Variants in MACROD2 observed in about 807,000 individuals in gnomAD.
MACROD2 encodes mono-ADP ribosylhydrolase 2.
In MACROD2, 36 loss-of-function variants were observed where a neutral mutation model predicts 70.4. The observed-to-expected ratio is 0.51, with a 90% confidence interval of 0.39 to 0.68. The LOEUF is 0.68. Ranked by LOEUF, MACROD2 falls within the 30% of genes least tolerant of loss-of-function variation. The pLI is 0.00. For synonymous variants in MACROD2, 172 were observed against 178.8 expected (o/e 0.96, Z 0.30); for missense variants, 496 against 538.4 (o/e 0.92, Z 0.78).
In MACROD2 at chr20:14,228,496, C is replaced by A. The variant is rs190741529; in HGVS notation, c.271+142768C>A. Among the ~76,000 whole-genome samples, 151 of 151,784 alleles carry A rather than the reference C, an allele frequency of 9.9e-4. 3 individuals carry two copies. The highest frequency in any genetic ancestry group is 9.8e-3 in the Admixed American group (150 of 15,248). On this transcript the variant is annotated intron_variant, in intron 3 of 17. Transcript: ENST00000684519. ...GGGACTACGGGCATGTGCCACCATG[C>A]CCAGCTAATTTTTGTATTTTAGTAT...
chr20:14,117,356 A>G (rs2054529728), intron 3 of MACROD2, among the ~76,000 whole-genome samples: 1 of 152,096 alleles, frequency 6.6e-6, no homozygotes, highest in African/African-American at 2.4e-5. Flanking sequence ...GGATTACACA[A>G]CTCTGTGTCC....
chr20:14,125,604 G>A (rs988262135), intron 3 of MACROD2, among the ~76,000 whole-genome samples: 4 of 151,988 alleles, frequency 2.6e-5, no homozygotes, highest in African/African-American at 7.2e-5. Context: ...TGTAATATAT[G>A]TACACATACT....
intron 5 of MACROD2, among the ~76,000 whole-genome samples, chr20:15,155,293 C>T (rs1206641270): frequency 6.6e-6 from 1 of 152,138 alleles, no homozygotes; most frequent in Non-Finnish European, 1.5e-5. Context: ...CTTTAGGCTG[C>T]AATCCTGTCT....
chr20:15,324,808 A>G (rs529966626), intron 6 of MACROD2, among the ~76,000 whole-genome samples: 1 of 152,312 alleles, frequency 6.6e-6, no homozygotes, highest in Admixed American at 6.5e-5. Context: ...TAAAGAACCT[A>G]TTAGCTAAAT....
chr20:15,220,631 A>G (rs1249867480), intron 5 of MACROD2, among the ~76,000 whole-genome samples: 1 of 152,272 alleles, frequency 6.6e-6, no homozygotes, highest in Non-Finnish European at 1.5e-5. Context: ...GTGATATTAT[A>G]GAGCAACAGA....
At chr20:14,893,951 A>G (rs994472634) in intron 5 of MACROD2, 1 of 151,688 alleles carries the variant, frequency 6.6e-6, no homozygotes, top group African/African-American at 2.4e-5. Context: ...TTTCTGGCAA[A>G]TTATTAAATT....
chr20:14,128,709 T>G (rs1174991570), intron 3 of MACROD2, among the ~76,000 whole-genome samples: 2 of 152,202 alleles, frequency 1.3e-5, no homozygotes, highest in Non-Finnish European at 2.9e-5. Flanking sequence ...GGTGACACTC[T>G]TGGTAGGGGT....
At chr20:14,369,998 T>C (rs1052327284) in intron 3 of MACROD2, among the ~76,000 whole-genome samples, 1 of 152,194 alleles carries the variant, frequency 6.6e-6, no homozygotes, top group East Asian at 1.9e-4. Flanking sequence ...ATATAAACTT[T>C]TGTGATGTTA....
At chr20:14,096,964 G>A (rs2054235991) in intron 3 of MACROD2, among the ~76,000 whole-genome samples, 1 of 152,102 alleles carries the variant, frequency 6.6e-6, no homozygotes, top group Non-Finnish European at 1.5e-5. Context: ...CTGTAATATG[G>A]TTCTAGTAAA....
intron 5 of MACROD2, among the ~76,000 whole-genome samples, chr20:15,069,690 T>A (rs1015264163): frequency 6.6e-6 from 1 of 152,148 alleles, no homozygotes; most frequent in Non-Finnish European, 1.5e-5. Context: ...CCTTGGTGAG[T>A]TCCATGTGTT....
At chr20:14,028,831 C>T (rs147674880) in intron 2 of MACROD2, among the ~76,000 whole-genome samples, 3 of 152,242 alleles carry the variant, frequency 2.0e-5, no homozygotes, top group African/African-American at 4.8e-5. Flanking sequence ...GGCTGCAGAC[C>T]GGAGCTGTTC....
intron 3 of MACROD2, among the ~76,000 whole-genome samples, chr20:14,300,296 T>C (rs1289144441): frequency 2.0e-5 from 3 of 152,256 alleles, no homozygotes; most frequent in Admixed American, 6.5e-5. Context: ...ATCTCACAAC[T>C]ATTCACAAGT....
chr20:15,167,967 C>T lies in MACROD2; in HGVS notation c.419-61973C>T, dbSNP rs530951678. 3.9e-5 allele frequency among the ~76,000 whole-genome samples: 6 copies of T among 152,258 alleles called. No homozygotes were observed. In the East Asian group the frequency reaches 5.8e-4, roughly 15 times the overall value. ...TATGTGGAATATGTAAAATTAGATA[C>T]GAAGTATACAAGGTCTTTCCTCTGT... On this transcript the variant is annotated intron_variant, in intron 5 of 17. Transcript: ENST00000684519.
At chr20:14,511,211 AT>A (rs576293083) in intron 4 of MACROD2, among the ~76,000 whole-genome samples, 114 of 152,166 alleles carry the variant, frequency 7.5e-4, no homozygotes, top group African/African-American at 2.6e-3. Flanking sequence ...GATTAGGGTT[AT>A]TTTTTTGAGT....
chr20:14,381,768 T>G (rs1568586549), intron 3 of MACROD2, among the ~76,000 whole-genome samples: 1 of 152,188 alleles, frequency 6.6e-6, no homozygotes. Context: ...TAAGATTTTC[T>G]TCAATAAAAA....
intron 8 of MACROD2, among the ~76,000 whole-genome samples, chr20:15,569,189 G>A (rs369320811): frequency 2.6e-4 from 39 of 152,122 alleles, no homozygotes; most frequent in Admixed American, 4.6e-4. Flanking sequence ...CGGTGTATGG[G>A]GGCTGTGTAG....
At chr20:15,417,919 G>T (rs956410938) in intron 6 of MACROD2, among the ~76,000 whole-genome samples, 56 of 152,170 alleles carry the variant, frequency 3.7e-4, no homozygotes, top group Admixed American at 2.7e-3. Context: ...TCACACTGTG[G>T]ATGCTGAAAA....
chr20:14,507,963 C>A lies in MACROD2; in HGVS notation c.301+14455C>A, dbSNP rs574901208. 3.9e-5 allele frequency among the ~76,000 whole-genome samples: 6 copies of A among 152,262 alleles called. No homozygotes were observed. The East Asian group carries it at 1.2e-3, about 29-fold the overall frequency. Reference sequence around the variant, plus strand: ...TATTTAAAGGCAAATATACTAGCTACAGCCTCCTGAGATAAGGGATGTGAA... The same window carrying A: ...TATTTAAAGGCAAATATACTAGCTAAAGCCTCCTGAGATAAGGGATGTGAA... On this transcript the variant is annotated intron_variant, in intron 4 of 17. Coordinates refer to ENST00000684519, the MANE Select transcript of MACROD2 (RefSeq NM_001351661.2).
At chr20:14,837,850 G>C (rs1393934735) in intron 5 of MACROD2, among the ~76,000 whole-genome samples, 3 of 151,690 alleles carry the variant, frequency 2.0e-5, no homozygotes, top group African/African-American at 7.3e-5. Flanking sequence ...TACATGCAAG[G>C]CTCCACAGGG....
Sources: allele counts gnomAD v4.1 joint callset (sites outside exome capture counted in the v4.1 genomes callset), GRCh38; gene constraint gnomAD v4.1.1; transcripts MANE v1.5; gene names NCBI Gene and HGNC (gene_info 2026-07-23, HGNC 2026-07-21).